The following RERE variants were observed in gnomAD, a reference collection of about 807,000 sequenced individuals.
RERE encodes arginine-glutamic acid dipeptide repeats.
RERE carries 40 observed loss-of-function variants against 146.1 expected under a neutral mutation model. The ratio of observed to expected loss-of-function variants is 0.27; its 90% CI spans 0.21 to 0.36. The LOEUF (loss-of-function observed/expected upper bound fraction) is 0.36. Ranked by LOEUF, RERE falls within the 10% of genes least tolerant of loss-of-function variation. The pLI is 1.00. For synonymous variants in RERE, 1,003 were observed against 866.0 expected (o/e 1.16, Z -2.78); for missense variants, 1,933 against 2,138.7 (o/e 0.90, Z 1.90).
chr1:8,786,243 C>T (rs1376964518), intron 1 of RERE: 3 of 968,600 alleles, frequency 3.1e-6, no homozygotes, highest in East Asian at 2.7e-5. Flanking sequence ...CTCCCTGTTG[C>T]CAGCATCTCC....
intron 1 of RERE, among the ~76,000 whole-genome samples, chr1:8,806,294 G>A (rs1468855970): frequency 1.3e-5 from 2 of 152,142 alleles, no homozygotes; most frequent in Non-Finnish European, 2.9e-5. Flanking sequence ...CACTTTGGGA[G>A]GCAGAGGTGG....
intron 4 of RERE, among the ~76,000 whole-genome samples, chr1:8,579,961 G>A (rs1374552924): frequency 3.3e-5 from 5 of 152,212 alleles, no homozygotes; most frequent in Non-Finnish European, 5.9e-5. Flanking sequence ...CTGAGATCGC[G>A]TCTGGGATCC....
At chr1:8,632,825 A>G (rs1647050189) in intron 2 of RERE, among the ~76,000 whole-genome samples, 2 of 152,234 alleles carry the variant, frequency 1.3e-5, no homozygotes, top group Admixed American at 6.5e-5. Context: ...AACTTTCTAG[A>G]AAGTTAGGAC....
At chr1:8,577,890 T>G (rs1323767452) in intron 4 of RERE, among the ~76,000 whole-genome samples, 1 of 152,064 alleles carries the variant, frequency 6.6e-6, no homozygotes, top group Non-Finnish European at 1.5e-5. Context: ...GTCAGGAGTT[T>G]GAAACCAGCC....
chr1:8,538,426 G>T (rs912089652), intron 7 of RERE, among the ~76,000 whole-genome samples: 1 of 152,140 alleles, frequency 6.6e-6, no homozygotes. Flanking sequence ...GGAATTCTAA[G>T]AACTGGGCTG....
chr1:8,480,425 A>G (rs931988946), intron 10 of RERE, among the ~76,000 whole-genome samples: 1 of 143,306 alleles, frequency 7.0e-6, no homozygotes, highest in African/African-American at 2.6e-5. Flanking sequence ...GACCTGAGCC[A>G]CCAGGCCCGG....
intron 12 of RERE, among the ~76,000 whole-genome samples, chr1:8,419,271 T>C (rs915348763): frequency 1.3e-5 from 2 of 152,208 alleles, no homozygotes; most frequent in East Asian, 1.9e-4. Context: ...CTATAAACAG[T>C]TGGGTTTTCC....
At chr1:8,498,556 C>T (rs59650973) in intron 8 of RERE, among the ~76,000 whole-genome samples, 182 of 150,754 alleles carry the variant, frequency 1.2e-3, no homozygotes, top group African/African-American at 3.3e-3. Context: ...ATTAGCCAGG[C>T]GTGGTGGTAT....
Position 8,501,212 on chromosome 1 carries a change from G to A in RERE, c.880-3683C>T, listed in dbSNP as rs1232159229. Among the ~76,000 whole-genome samples, 18 of 148,122 alleles carry A rather than the reference G, an allele frequency of 1.2e-4. No individual in the cohort carries two copies. The East Asian group carries it at 1.2e-3, about 10-fold the overall frequency. ...GCCCCGTCCGGGAGGGAGGTGGGGGGGTCAGCCCCCCGCCCGGCCGGCCGC... is the reference window on the plus strand; with the variant it reads ...GCCCCGTCCGGGAGGGAGGTGGGGGAGTCAGCCCCCCGCCCGGCCGGCCGC... On this transcript the variant is annotated intron_variant, in intron 8 of 22. Coordinates refer to ENST00000400908, the MANE Select transcript of RERE (RefSeq NM_001042681.2).
intron 7 of RERE, among the ~76,000 whole-genome samples, chr1:8,523,238 C>G (rs188283495): frequency 1.3e-4 from 19 of 151,864 alleles, no homozygotes; most frequent in African/African-American, 3.4e-4. Context: ...TAAACACAAT[C>G]AAGTTCATTC....
intron 11 of RERE, among the ~76,000 whole-genome samples, chr1:8,449,989 C>T (rs1644371122): frequency 6.6e-6 from 1 of 152,148 alleles, no homozygotes; most frequent in Non-Finnish European, 1.5e-5. Flanking sequence ...CTAGTTTATC[C>T]TCCTCATGGC....
chr1:8,553,658 A>G (rs895939437), intron 6 of RERE, among the ~76,000 whole-genome samples: 1 of 152,196 alleles, frequency 6.6e-6, no homozygotes, highest in Non-Finnish European at 1.5e-5. Context: ...TAAAGAAAAC[A>G]CCACAGGAGA....
chr1:8,459,203 C>A (rs1224479684), intron 11 of RERE, among the ~76,000 whole-genome samples: 4 of 152,136 alleles, frequency 2.6e-5, no homozygotes, highest in Non-Finnish European at 5.9e-5. Flanking sequence ...GAACTTCAGG[C>A]AAATCTCACT....
At chr1:8,419,451 T>C (rs1189385732) in intron 12 of RERE, among the ~76,000 whole-genome samples, 1 of 152,236 alleles carries the variant, frequency 6.6e-6, no homozygotes, top group African/African-American at 2.4e-5. Context: ...CTGGTAAGAA[T>C]GAGGTCTCAA....
At chr1:8,732,692 G>T (rs1352197938) in intron 1 of RERE, among the ~76,000 whole-genome samples, 1 of 151,168 alleles carries the variant, frequency 6.6e-6, no homozygotes, top group Non-Finnish European at 1.5e-5. Context: ...TTCATCAGTT[G>T]TAACAGATAA....
intron 11 of RERE, among the ~76,000 whole-genome samples, chr1:8,450,911 T>C (rs1359702720): frequency 6.6e-6 from 1 of 152,238 alleles, no homozygotes; most frequent in Admixed American, 6.5e-5. Context: ...ATAGTCTGTG[T>C]CTACCATTCT....
chr1:8,673,411 TACA>T (rs1289107411), intron 1 of RERE, among the ~76,000 whole-genome samples: 1 of 152,150 alleles, frequency 6.6e-6, no homozygotes, highest in Non-Finnish European at 1.5e-5. Flanking sequence ...CTTAATTTAT[TACA>T]ACAAGCTCTC....
At chr1:8,378,271 CAGGCA>C (rs1642329454) in intron 12 of RERE, among the ~76,000 whole-genome samples, 1 of 152,220 alleles carries the variant, frequency 6.6e-6, no homozygotes, top group Admixed American at 6.5e-5. Flanking sequence ...TAGAAAAATT[CAGGCA>C]AGCCTGCAAA....
intron 12 of RERE, among the ~76,000 whole-genome samples, chr1:8,379,049 G>C (rs139363610): frequency 6.6e-6 from 1 of 152,316 alleles, no homozygotes; most frequent in East Asian, 1.9e-4. Flanking sequence ...GTTCCCTCAC[G>C]ACGGCTGCAT....
Sources: gnomAD v4.1 joint callset for allele counts (sites outside exome capture counted in the v4.1 genomes callset) on GRCh38, gnomAD v4.1.1 for gene constraint, MANE v1.5 for transcripts, NCBI Gene and HGNC (gene_info 2026-07-23, HGNC 2026-07-21) for gene names.